Variants in PLXNC1 observed in about 807,000 individuals in gnomAD.
The protein encoded by PLXNC1 is plexin-C1.
Under a neutral mutation model 178.2 loss-of-function variants are expected in PLXNC1, and 75 were observed. The ratio of observed to expected loss-of-function variants is 0.42; its 90% CI spans 0.35 to 0.51. The LOEUF (loss-of-function observed/expected upper bound fraction) is 0.51, where lower values mean the gene tolerates loss of function less well. Among genes scored for constraint, PLXNC1 ranks in the 20% least tolerant of loss-of-function variants. PLXNC1 has a pLI of 0.02. For missense variants in PLXNC1, 1,503 were observed against 1,984.4 expected, an observed-to-expected ratio of 0.76 and a Z score of 4.61; for synonymous variants, 790 against 779.9, an observed-to-expected ratio of 1.01 and a Z score of -0.22.
At chr12:94,234,915 TA>T (rs1964201108) in intron 9 of PLXNC1, among the ~76,000 whole-genome samples, 1 of 152,204 alleles carries the variant, frequency 6.6e-6, no homozygotes, top group Non-Finnish European at 1.5e-5. Context: ...TCTTTATTGG[TA>T]AAAAGAAAGA....
intron 4 of PLXNC1, among the ~76,000 whole-genome samples, chr12:94,209,086 T>C (rs1436638617): frequency 6.6e-6 from 1 of 152,270 alleles, no homozygotes; most frequent in African/African-American, 2.4e-5. Context: ...TTGAAATTTT[T>C]CTATTTAATT....
Position 94,186,426 on chromosome 12 carries a change from T to C in PLXNC1, c.1392T>C (p.Cys464=), listed in dbSNP as rs1239494065. 2 of 1,613,848 alleles carry C rather than the reference T, an allele frequency of 1.2e-6. No homozygotes were observed. The highest frequency in any genetic ancestry group is 3.3e-5 in the Admixed American group (2 of 60,006). The change falls in exon 4 of 31, where the codon TGT becomes TGC. Residue 464 remains cysteine (C), a synonymous_variant. Transcript: ENST00000258526. ...ATAAACATAAATCCTGTTCGGAGTG[T>C]TTAACAGCCACAGACCCTCACTGCG... The part of the protein sequence containing the change: ...NCNKHKSCSE[C]LTATDPHCGW...
intron 9 of PLXNC1, among the ~76,000 whole-genome samples, chr12:94,231,528 G>T (rs923079760): frequency 6.6e-6 from 1 of 152,106 alleles, no homozygotes; most frequent in Non-Finnish European, 1.5e-5. Context: ...CAAGGATCTG[G>T]TACTTATGAG....
intron 4 of PLXNC1, among the ~76,000 whole-genome samples, chr12:94,194,782 G>C (rs1490109730): frequency 6.6e-6 from 1 of 152,138 alleles, no homozygotes; most frequent in African/African-American, 2.4e-5. Flanking sequence ...ACCTGCCTCA[G>C]AGGTTTGCTG....
At chr12:94,254,954 C>A in intron 16 of PLXNC1, 66 bp downstream of exon 16, 2 of 1,286,478 alleles carry the variant, frequency 1.6e-6, no homozygotes, top group South Asian at 1.3e-5. Flanking sequence ...TTTTTTTACC[C>A]TTACATAGAG....
At chr12:94,189,626 G>A (rs1329988226) in intron 4 of PLXNC1, among the ~76,000 whole-genome samples, 1 of 151,744 alleles carries the variant, frequency 6.6e-6, no homozygotes, top group Non-Finnish European at 1.5e-5. Flanking sequence ...GTTGCAGTGA[G>A]CTGAGATCAC....
chr12:94,288,523 C>T (rs917318593), intron 23 of PLXNC1, among the ~76,000 whole-genome samples: 14 of 152,164 alleles, frequency 9.2e-5, no homozygotes, highest in African/African-American at 3.4e-4. Flanking sequence ...AAGCAGGAGC[C>T]CTGTGGCATT....
chr12:94,293,377 A>C (rs1967561812), intron 23 of PLXNC1, among the ~76,000 whole-genome samples: 1 of 152,210 alleles, frequency 6.6e-6, no homozygotes, highest in Non-Finnish European at 1.5e-5. Flanking sequence ...CAATTTCTGA[A>C]AACCCATTTC....
chr12:94,270,308 T>C (rs1965494240), intron 21 of PLXNC1, among the ~76,000 whole-genome samples: 1 of 152,244 alleles, frequency 6.6e-6, no homozygotes, highest in Non-Finnish European at 1.5e-5. Context: ...CATTTCCTTA[T>C]TGTCTATAGC....
chr12:94,284,199 G>A (rs1966675262), intron 23 of PLXNC1, among the ~76,000 whole-genome samples: 1 of 151,578 alleles, frequency 6.6e-6, no homozygotes, highest in African/African-American at 2.4e-5. Context: ...TCAGAATCTT[G>A]TAGCCTCCAG....
At chr12:94,261,038 A>T (rs547228290) in intron 20 of PLXNC1, among the ~76,000 whole-genome samples, 198 bp downstream of exon 20, 23 of 152,306 alleles carry the variant, frequency 1.5e-4, no homozygotes, top group Non-Finnish European at 2.5e-4. Context: ...ATGCAAATGT[A>T]ATTCATTTAG....
intron 17 of PLXNC1, among the ~76,000 whole-genome samples, chr12:94,255,614 G>A (rs1964816969): frequency 6.6e-6 from 1 of 152,164 alleles, no homozygotes; most frequent in Non-Finnish European, 1.5e-5. Flanking sequence ...AAGTGAGCTA[G>A]TTTATTTAAA....
chr12:94,163,621 G>C (rs1386495359), intron 1 of PLXNC1, among the ~76,000 whole-genome samples: 1 of 152,008 alleles, frequency 6.6e-6, no homozygotes, highest in African/African-American at 2.4e-5. Context: ...GGAGGGGAGA[G>C]GGTAGAAGGA....
rs1960880758 is a variant in PLXNC1 at position 94,149,827 on chromosome 12, G to C, written c.856G>C (p.Gly286Arg). Residue 286 changes from glycine to arginine, a missense_variant, in exon 1 of 31, where the codon GGC (glycine) becomes CGC (arginine). By Grantham distance (125) the Gly-to-Arg change is moderately radical. Transcript: ENST00000258526. ...CCAGGCATCCCTCGACTGCGGCCAC[G>C]GCCACCCCGACGGCCGCCGCCTGCT... ...QGQASLDCGH[G>R]HPDGRRLLLS... 1.3e-6 allele frequency: 2 copies of C among 1,596,656 alleles called. No individual in the cohort carries two copies. Among genetic ancestry groups the C allele is most frequent in the South Asian group, 1.1e-5 (1 of 89,284 alleles).
At chr12:94,187,722 A>T (rs1754367082) in intron 4 of PLXNC1, among the ~76,000 whole-genome samples, 2 of 152,216 alleles carry the variant, frequency 1.3e-5, no homozygotes, top group South Asian at 4.1e-4. Flanking sequence ...TCAATTCGAT[A>T]ATGGTGGCGA....
chr12:94,164,188 A>G (rs1312506780), intron 1 of PLXNC1, among the ~76,000 whole-genome samples: 6 of 152,208 alleles, frequency 3.9e-5, no homozygotes, highest in Non-Finnish European at 8.8e-5. Context: ...AACTGCTTCA[A>G]AACAAAGGGA....
At chr12:94,230,640 C>T (rs1305163543) in intron 9 of PLXNC1, among the ~76,000 whole-genome samples, 1 of 152,240 alleles carries the variant, frequency 6.6e-6, no homozygotes, top group East Asian at 1.9e-4. Context: ...CGTGCTCTGT[C>T]AAACACTGCT....
rs1402532199 is a variant in PLXNC1 at position 94,237,711 on chromosome 12, G to GA, written c.2032dup (p.Ser678LysfsTer27). ...AGCCACAGAAAGTATCGACATTAGG[G>GA]AAAAGCAACGTGATAGTAACGGGAG... is the stretch of plus-strand genomic sequence containing the variant. On this transcript the variant is annotated frameshift_variant, in exon 10 of 31. Coordinates refer to ENST00000258526, the MANE Select transcript of PLXNC1 (RefSeq NM_005761.3). LOFTEE classifies it high-confidence loss of function. 3.1e-6 allele frequency: 5 copies of GA among 1,613,736 alleles called. No individual in the cohort carries two copies. Among genetic ancestry groups the GA allele is most frequent in the Non-Finnish European group, 4.2e-6 (5 of 1,179,842 alleles).
Position 94,241,898 on chromosome 12 carries a change from G to A in PLXNC1, c.2300+1234G>A, listed in dbSNP as rs564816714. 6.0e-5 allele frequency among the ~76,000 whole-genome samples: 9 copies of A among 150,510 alleles called. 2 individuals carry two copies. Among genetic ancestry groups the A allele is most frequent in the African/African-American group, 1.7e-4 (7 of 40,876 alleles). ...ATCTCTTTAGGACTAAAATCCTAAC[G>A]ATATTTTCTTTGCCTGACACAGTAC... On this transcript the variant is annotated intron_variant, in intron 11 of 30. Coordinates refer to ENST00000258526, the MANE Select transcript of PLXNC1 (RefSeq NM_005761.3).
Sources: gnomAD v4.1 joint callset for allele counts (sites outside exome capture counted in the v4.1 genomes callset) on GRCh38, gnomAD v4.1.1 for gene constraint, MANE v1.5 for transcripts, NCBI Gene and HGNC (gene_info 2026-07-23, HGNC 2026-07-21) for gene names.